TGM4: variants seen among roughly 807,000 people sequenced by gnomAD.
TGM4 encodes transglutaminase 4, also known as protein-glutamine gamma-glutamyltransferase 4.
A neutral mutation model predicts 76.3 loss-of-function variants in TGM4; 61 were observed. The ratio of observed to expected loss-of-function variants is 0.80; its 90% confidence interval spans 0.65 to 0.99. The LOEUF is 0.99. Ranked by LOEUF, TGM4 falls within the 50% of genes least tolerant of loss-of-function variation. The pLI is 0.00. For synonymous variants in TGM4, 337 were observed against 329.8 expected (o/e 1.02, Z -0.24); for missense variants, 794 against 843.2 (o/e 0.94, Z 0.72).
Position 44,910,131 on chromosome 3 carries a change from C to A in TGM4, c.1369C>A (p.Leu457Ile). 6.2e-7 allele frequency: 1 copy of A among 1,614,202 alleles called. No individual in the cohort carries two copies. Among genetic ancestry groups the A allele is most frequent in the Non-Finnish European group, 8.5e-7 (1 of 1,180,034 alleles). Residue 457 changes from leucine (L) to isoleucine (I), a missense_variant, in exon 11 of 14, where the codon CTT (leucine) becomes ATT (isoleucine). Leu to Ile is a conservative substitution (Grantham distance 5). Coordinates refer to ENST00000296125, the MANE Select transcript of TGM4 (RefSeq NM_003241.4). ...ERQVMDHAFL[L>I]LSSEREHRRP... Reference sequence around the variant, plus strand: ...GCAGGTCATGGATCATGCCTTCCTCCTTCTCAGTTCTGAGAGGGAGCACAG... The same window carrying A: ...GCAGGTCATGGATCATGCCTTCCTCATTCTCAGTTCTGAGAGGGAGCACAG...
chr3:44,893,598 A>G lies in TGM4; in HGVS notation c.452A>G (p.Asp151Gly). The change falls in exon 5 of 14, where the codon GAT (aspartate) becomes GGT (glycine). Residue 151 changes from aspartate (D) to glycine (G), a missense_variant. Transcript: ENST00000296125. ...TCAGAGGACATGGTTTTCATGCCTG[A>G]TGAGGACGAGCGCAAAGAGTACATC... ...WCKEDMVFMP[D>G]EDERKEYILN... is the part of the protein sequence containing the mutation. 6.2e-7 allele frequency: 1 copy of G among 1,613,856 alleles called. No homozygotes were observed. The highest frequency in any genetic ancestry group is 8.5e-7 in the Non-Finnish European group (1 of 1,179,824).
chr3:44,893,396 G>A (rs56659361), intron 4 of TGM4, among the ~76,000 whole-genome samples, 181 bp from the exon 5 acceptor site: 47,314 of 151,986 alleles, frequency 0.31, 8,633 homozygotes, highest in East Asian at 0.82. Flanking sequence ...GTCCCCTACA[G>A]CTGGCTCGGG....
intron 1 of TGM4, among the ~76,000 whole-genome samples, chr3:44,877,103 G>A (rs1454113199): frequency 6.6e-6 from 1 of 152,056 alleles, no homozygotes; most frequent in Non-Finnish European, 1.5e-5. Flanking sequence ...CCAGGAGTTC[G>A]AGACCAGCCT....
At chr3:44,910,910 G>A (rs754287161) in intron 11 of TGM4, 48 bp from the exon 12 acceptor site, 6 of 1,586,934 alleles carry the variant, frequency 3.8e-6, no homozygotes, top group Non-Finnish European at 4.3e-6. Flanking sequence ...ACTCATACTG[G>A]GGGGGTATGA....
intron 4 of TGM4, among the ~76,000 whole-genome samples, chr3:44,891,744 G>A (rs779954370): frequency 6.6e-6 from 1 of 152,030 alleles, no homozygotes; most frequent in Non-Finnish European, 1.5e-5. Context: ...GGAGGCCGAG[G>A]TGGGCGCATC....
chr3:44,886,257 C>T (rs1287520298), intron 2 of TGM4, among the ~76,000 whole-genome samples: 1 of 149,982 alleles, frequency 6.7e-6, no homozygotes, highest in East Asian at 2.0e-4. Flanking sequence ...GGTAGAATTG[C>T]TTGAACCTGG....
At chr3:44,892,220 T>C (rs1325985052) in intron 4 of TGM4, among the ~76,000 whole-genome samples, 6 of 151,778 alleles carry the variant, frequency 4.0e-5, no homozygotes, top group African/African-American at 7.2e-5. Flanking sequence ...ATCACGCCAC[T>C]GCACTCCAGC....
rs937206678 is a variant in TGM4, at chr3:44,911,061, G to A, written c.1710G>A (p.Val570=). Residue 570 remains valine, a synonymous_variant, in exon 12 of 14, where the codon GTG becomes GTA. Coordinates refer to ENST00000296125, the MANE Select transcript of TGM4 (RefSeq NM_003241.4). ...GAGGTTTCATCATTGCGGAAATTGT[G>A]GAGTCTAAGGAAATCATGGCCTCTG... is the stretch of plus-strand genomic sequence containing the variant. ...VIRGFIIAEI[V]ESKEIMASEV... The A allele has an allele frequency of 5.6e-6, 9 of 1,614,010 alleles. No individual in the cohort carries two copies. In the African/African-American group the frequency reaches 1.2e-4, roughly 22 times the overall value.
rs768382325 is a variant in TGM4, at chr3:44,893,609, C to A, written c.463C>A (p.Arg155Ser). The A allele has an allele frequency of 5.6e-6, 9 of 1,613,706 alleles. No homozygotes were observed. The highest frequency in any genetic ancestry group is 3.3e-5 in the Admixed American group (2 of 59,988). The change falls in exon 5 of 14, where the codon CGC becomes AGC. Residue 155 changes from arginine (R) to serine (S), a missense_variant. By Grantham distance (110) the Arg-to-Ser change is moderately radical. Transcript: ENST00000296125. Reference protein sequence around the residue: ...DMVFMPDEDERKEYILNDTGC... With the variant: ...DMVFMPDEDESKEYILNDTGC... ...GGTTTTCATGCCTGATGAGGACGAG[C>A]GCAAAGAGTACATCCTCAATGACAC...
Position 44,887,715 on chromosome 3 carries a change from A to T in TGM4, c.220A>T (p.Thr74Ser). 1 of 1,613,974 alleles carries T rather than the reference A, an allele frequency of 6.2e-7. No homozygotes were observed. The highest frequency in any genetic ancestry group is 8.5e-7 in the Non-Finnish European group (1 of 1,179,946). The change falls in exon 3 of 14, where the codon ACC (threonine) becomes TCC (serine). Residue 74 changes from threonine (T) to serine (S), a missense_variant. Thr to Ser is a moderately conservative substitution (Grantham distance 58). Coordinates refer to ENST00000296125, the MANE Select transcript of TGM4 (RefSeq NM_003241.4). ...GCCGAATCCTAGCATCGCCAAACAC[A>T]CCCTGGTGGTGCTCGACCCGAGGAC... ...TGPNPSIAKHTLVVLDPRTPS... is the reference protein window; with the variant it reads ...TGPNPSIAKHSLVVLDPRTPS...
At chr3:44,878,419 A>AT (rs1289360106) in intron 1 of TGM4, among the ~76,000 whole-genome samples, 3 of 149,998 alleles carry the variant, frequency 2.0e-5, no homozygotes, top group Non-Finnish European at 3.0e-5. Flanking sequence ...GAGAAACTTA[A>AT]TTTTTGTAAT....
At chr3:44,885,958 G>T (rs187007479) in intron 2 of TGM4, among the ~76,000 whole-genome samples, 12 of 152,292 alleles carry the variant, frequency 7.9e-5, no homozygotes, top group Non-Finnish European at 1.6e-4. Context: ...AGTACAACTA[G>T]GGGAAGAGAG....
intron 5 of TGM4, among the ~76,000 whole-genome samples, chr3:44,896,272 C>T (rs1397910844): frequency 3.9e-5 from 6 of 152,072 alleles, no homozygotes; most frequent in Admixed American, 1.3e-4. Context: ...CCACCACGCC[C>T]GGCTAATTTT....
chr3:44,904,083 GA>G, intron 9 of TGM4, 96 bp downstream of exon 9: 1 of 1,117,920 alleles, frequency 8.9e-7, no homozygotes, highest in Admixed American at 2.0e-5. Context: ...AGCAGGTGGG[GA>G]AAGTTTTCAT....
chr3:44,914,503 G>A lies in TGM4; in HGVS notation c.*778G>A, dbSNP rs556292107. The A allele has an allele frequency of 1.2e-4, 19 of 152,126 alleles. No homozygotes were observed. Among genetic ancestry groups the A allele is most frequent in the African/African-American group, 4.3e-4 (18 of 41,402 alleles). The allele number at this position is 152,126 out of a possible 1,614,324, so 9.4% of individuals were successfully genotyped here. On this transcript the variant is annotated 3_prime_UTR_variant, in exon 14 of 14. Coordinates refer to ENST00000296125, the MANE Select transcript of TGM4 (RefSeq NM_003241.4). Reference sequence around the variant, plus strand: ...CCATCCACTATCCTGGCAACTCAAGGCTGCTTCTGTTAACTGAAGCCTGCT... The same window carrying A: ...CCATCCACTATCCTGGCAACTCAAGACTGCTTCTGTTAACTGAAGCCTGCT...
At chr3:44,902,470 C>T (rs4683006) in intron 8 of TGM4, among the ~76,000 whole-genome samples, 65,407 of 151,906 alleles carry the variant, frequency 0.43, 14,875 homozygotes, top group East Asian at 0.81. Context: ...CATAGTGGCA[C>T]GTGCCTGTAA....
intron 3 of TGM4, chr3:44,890,401 G>A (rs1699675410): frequency 4.8e-6 from 3 of 630,068 alleles, no homozygotes; most frequent in Admixed American, 5.6e-5. Context: ...ACTTCATGCT[G>A]TATGGAGCTG....
chr3:44,910,558 G>A (rs1181472974), intron 11 of TGM4, among the ~76,000 whole-genome samples, 190 bp downstream of exon 11: 1 of 152,210 alleles, frequency 6.6e-6, no homozygotes, highest in Non-Finnish European at 1.5e-5. Context: ...GTGAGCCAAA[G>A]AGACCACTGG....
At chr3:44,896,226 C>T (rs1230790945) in intron 5 of TGM4, among the ~76,000 whole-genome samples, 2 of 152,214 alleles carry the variant, frequency 1.3e-5, no homozygotes, top group African/African-American at 4.8e-5. Flanking sequence ...ATTCTCCTGA[C>T]TCAGCTTCCC....
Sources: allele counts gnomAD v4.1 joint callset (sites outside exome capture counted in the v4.1 genomes callset), GRCh38; gene constraint gnomAD v4.1.1; transcripts MANE v1.5; gene names NCBI Gene and HGNC (gene_info 2026-07-23, HGNC 2026-07-21).